The following PTPRZ1 variants were observed in gnomAD, a reference collection of about 807,000 sequenced individuals.
The protein encoded by PTPRZ1 is receptor-type tyrosine-protein phosphatase zeta.
A neutral mutation model predicts 214.1 loss-of-function variants in PTPRZ1; 82 were observed. The observed-to-expected ratio is 0.38, with a 90% CI of 0.32 to 0.46. The LOEUF is 0.46. Ranked by LOEUF, PTPRZ1 falls within the 20% of genes least tolerant of loss-of-function variation. The pLI is 1.00. For missense variants in PTPRZ1, 2,603 were observed against 2,748.7 expected (o/e 0.95, Z 1.19); for synonymous variants, 945 against 987.9 (o/e 0.96, Z 0.81).
At position 122,036,603 on chromosome 7, in the gene PTPRZ1, A is replaced by G; in HGVS notation, c.5288A>G (p.Asp1763Gly). Reference protein sequence around the residue: ...KNRYINIVAYDHSRVKLAQLA... With the variant: ...KNRYINIVAYGHSRVKLAQLA... The stretch of plus-strand genomic sequence containing the variant: ...ATATATTCTCTTTATATTACAGATG[A>G]TCATAGCAGGGTTAAGCTAGCACAG... The change falls in exon 18 of 30, where the codon GAT becomes GGT. Residue 1763 changes from aspartate to glycine, a missense_variant. Physicochemically the swap from Asp to Gly is moderately conservative, Grantham distance 94. Around this residue, in one of 6 missense-constraint regions of PTPRZ1, gnomAD observed 1,913 missense variants for 1,914.3 expected, o/e 1.00. Transcript: ENST00000393386. 1.9e-6 allele frequency: 3 copies of G among 1,591,750 alleles called. No individual in the cohort carries two copies. The highest frequency in any genetic ancestry group is 2.6e-6 in the Non-Finnish European group (3 of 1,159,990).
chr7:122,012,870 A>G lies in PTPRZ1; in HGVS notation c.3824A>G (p.Lys1275Arg). ...ASEKYEPVLL[K>R]SESSHQVVPS... ...GAGAAATATGAACCAGTTTTGTTAA[A>G]AAGTGAAAGTTCCCACCAAGTGGTA... Residue 1275 changes from lysine to arginine, a missense_variant, in exon 12 of 30, where the codon AAA becomes AGA. Physicochemically the swap from Lys to Arg is conservative, Grantham distance 26. This residue lies in a region of PTPRZ1 where 1,913 missense variants were observed against 1,914.3 expected (regional missense o/e 1.00). Transcript: ENST00000393386. 6.2e-7 allele frequency: 1 copy of G among 1,614,162 alleles called. No homozygotes were observed.
chr7:121,916,665 T>TAGG lies in PTPRZ1; in HGVS notation c.59-11490_59-11489insGGA, dbSNP rs1447536946. 4.6e-5 allele frequency among the ~76,000 whole-genome samples: 7 copies of TAGG among 152,266 alleles called. No individual in the cohort carries two copies. In the East Asian group the frequency reaches 1.3e-3, roughly 29 times the overall value. On this transcript the variant is annotated intron_variant, in intron 1 of 29. Transcript: ENST00000393386. ...TGCAATAAACCTGTGTAATCTAGGC[T>TAGG]ACCTAATGAGCATCTTTGAGCATCT...
intron 6 of PTPRZ1, among the ~76,000 whole-genome samples, 187 bp from the exon 7 acceptor site, chr7:121,983,478 A>G (rs1202802822): frequency 1.3e-5 from 2 of 152,226 alleles, no homozygotes; most frequent in Non-Finnish European, 2.9e-5. Flanking sequence ...AACACTGTAT[A>G]GTGACATGTG....
At position 121,974,125 on chromosome 7, in the gene PTPRZ1, T is replaced by C. The variant is rs894129727; in HGVS notation, c.456+1433T>C. On this transcript the variant is annotated intron_variant, in intron 4 of 29. Coordinates refer to ENST00000393386, the MANE Select transcript of PTPRZ1 (RefSeq NM_002851.3). ...AAAGTTATTAATAATAAAAATAAGA[T>C]AGGGTGAATTACCTCTTAAAAGACT... 3.4e-4 allele frequency among the ~76,000 whole-genome samples: 52 copies of C among 152,032 alleles called. 1 individual carries two copies. Among genetic ancestry groups the C allele is most frequent in the African/African-American group, 1.1e-3 (46 of 41,404 alleles).
intron 1 of PTPRZ1, among the ~76,000 whole-genome samples, chr7:121,876,857 G>A (rs547265151): frequency 6.6e-6 from 1 of 152,132 alleles, no homozygotes; most frequent in African/African-American, 2.4e-5. Flanking sequence ...TATGTTGTGG[G>A]AATTTTGCTT....
chr7:122,027,530 T>C (rs1379503584), intron 13 of PTPRZ1, among the ~76,000 whole-genome samples: 2 of 152,200 alleles, frequency 1.3e-5, no homozygotes, highest in Non-Finnish European at 2.9e-5. Context: ...CCTTGTAGCT[T>C]GAAGGTTTAG....
intron 2 of PTPRZ1, among the ~76,000 whole-genome samples, chr7:121,936,139 C>G (rs1352226491): frequency 6.6e-6 from 1 of 152,116 alleles, no homozygotes; most frequent in African/African-American, 2.4e-5. Flanking sequence ...CCTTTGTTTT[C>G]TGTATGGTAA....
chr7:121,969,370 TG>T (rs1352718677), intron 3 of PTPRZ1, among the ~76,000 whole-genome samples: 1 of 152,024 alleles, frequency 6.6e-6, no homozygotes, highest in East Asian at 1.9e-4. Context: ...AAGACCAGCT[TG>T]GTCAACATGG....
chr7:121,891,505 T>C (rs1414734891), intron 1 of PTPRZ1, among the ~76,000 whole-genome samples: 1 of 147,540 alleles, frequency 6.8e-6, no homozygotes, highest in Non-Finnish European at 1.5e-5. Flanking sequence ...TTGAATCCTA[T>C]TTTGGCTGAT....
chr7:121,912,188 T>C (rs1378269059), intron 1 of PTPRZ1, among the ~76,000 whole-genome samples: 2 of 152,184 alleles, frequency 1.3e-5, no homozygotes, highest in Non-Finnish European at 2.9e-5. Flanking sequence ...ATATTTATTG[T>C]TAACTGCAAC....
chr7:121,988,884 T>TACACAGTACAGTAC (rs1253361544), intron 8 of PTPRZ1, among the ~76,000 whole-genome samples: 1 of 152,194 alleles, frequency 6.6e-6, no homozygotes, highest in Admixed American at 6.5e-5. Context: ...TTCAGAAGAA[T>TACACAGTACAGTAC]ACAGTACAGT....
At chr7:121,994,289 CTTTTTTTT>C (rs35332072) in intron 8 of PTPRZ1, among the ~76,000 whole-genome samples, 3 of 75,346 alleles carry the variant, frequency 4.0e-5, no homozygotes, top group African/African-American at 1.1e-4. Flanking sequence ...TAATGCATTT[CTTTTTTTT>C]TTTTTTTTTT....
chr7:121,996,040 C>T (rs1268303582), intron 8 of PTPRZ1, among the ~76,000 whole-genome samples: 1 of 152,132 alleles, frequency 6.6e-6, no homozygotes, highest in Admixed American at 6.5e-5. Flanking sequence ...AGGAAAAATA[C>T]AATACGAAAG....
At chr7:121,910,177 G>C (rs183645388) in intron 1 of PTPRZ1, among the ~76,000 whole-genome samples, 2 of 152,200 alleles carry the variant, frequency 1.3e-5, no homozygotes, top group East Asian at 3.9e-4. Context: ...GCCTGTGCCA[G>C]CACTGCTCTT....
At chr7:121,932,104 A>C (rs1795943614) in intron 2 of PTPRZ1, among the ~76,000 whole-genome samples, 1 of 152,178 alleles carries the variant, frequency 6.6e-6, no homozygotes, top group Admixed American at 6.5e-5. Flanking sequence ...AGATGAGTAC[A>C]TTTTACAACC....
chr7:121,878,457 A>G (rs999285030), intron 1 of PTPRZ1, among the ~76,000 whole-genome samples: 2 of 152,222 alleles, frequency 1.3e-5, no homozygotes, highest in African/African-American at 4.8e-5. Context: ...GTGTTCGTGC[A>G]TGTGAGTTAG....
At chr7:121,920,144 A>G (rs148243463) in intron 1 of PTPRZ1, among the ~76,000 whole-genome samples, 1 of 152,190 alleles carries the variant, frequency 6.6e-6, no homozygotes, top group African/African-American at 2.4e-5. Flanking sequence ...ATGGAATCCC[A>G]TTGTATCCTC....
rs778199392 is a variant in PTPRZ1, at chr7:122,011,812, A to G, written c.2766A>G (p.Ser922=). 13 of 1,614,118 alleles carry G rather than the reference A, an allele frequency of 8.1e-6. No individual in the cohort carries two copies. Among genetic ancestry groups the G allele is most frequent in the East Asian group, 4.5e-5 (2 of 44,878 alleles). ...SSDAMMHARS[S]GPEPSYALSD... ...ATGCCATGATGCATGCACGTTCTTC[A>G]GGGCCTGAACCTTCTTATGCCTTGT... is the stretch of plus-strand genomic sequence containing the variant. Residue 922 remains serine, a synonymous_variant, in exon 12 of 30, where the codon TCA becomes TCG. Transcript: ENST00000393386.
chr7:121,949,735 G>GA (rs1335571120), intron 2 of PTPRZ1, among the ~76,000 whole-genome samples: 1 of 152,120 alleles, frequency 6.6e-6, no homozygotes, highest in Non-Finnish European at 1.5e-5. Context: ...CCTTCATATG[G>GA]AAAAATAACT....
Sources: gnomAD v4.1 joint callset for allele counts (sites outside exome capture counted in the v4.1 genomes callset) on GRCh38, gnomAD v4.1.1 for gene constraint, gnomAD v4.1.1 regional missense constraint, MANE v1.5 for transcripts, NCBI Gene and HGNC (gene_info 2026-07-23, HGNC 2026-07-21) for gene names.